The following PHEX variants were observed in gnomAD, a reference collection of about 807,000 sequenced individuals.
The protein encoded by PHEX is phosphate regulating endopeptidase X-linked.
PHEX carries 16 observed loss-of-function variants against 68.0 expected under a neutral mutation model. That is an observed-to-expected ratio of 0.24 (90% CI 0.16 to 0.36). PHEX has a LOEUF of 0.36. Among genes scored for constraint, PHEX ranks in the 10% least tolerant of loss-of-function variants. The pLI is 1.00. For missense variants in PHEX, 480 were observed against 575.5 expected (o/e 0.83, Z 1.70); for synonymous variants, 208 against 205.1 (o/e 1.01, Z -0.12).
intron 12 of PHEX, among the ~76,000 whole-genome samples, chrX:22,152,471 CCTT>C (rs1297145687): frequency 9.0e-6 from 1 of 111,708 alleles, no homozygotes; most frequent in Non-Finnish European, 1.9e-5. Context: ...TGACCCTCTA[CCTT>C]CTTCTGTTGT....
intron 20 of PHEX, among the ~76,000 whole-genome samples, chrX:22,233,303 C>T (rs747678322): frequency 3.6e-5 from 4 of 110,947 alleles, no homozygotes; most frequent in Non-Finnish European, 5.7e-5. Context: ...TTGCTCTTCT[C>T]GAGGAGTATC....
chrX:22,125,532 A>G (rs1602316452), intron 11 of PHEX, among the ~76,000 whole-genome samples: 1 of 109,423 alleles, frequency 9.1e-6, no homozygotes, highest in African/African-American at 3.3e-5. Flanking sequence ...TTCCTACTAG[A>G]TATGTACTAT....
At chrX:22,210,709 C>T (rs1391611815) in intron 15 of PHEX, among the ~76,000 whole-genome samples, 1 of 111,002 alleles carries the variant, frequency 9.0e-6, no homozygotes, top group East Asian at 2.8e-4. Context: ...TATGATGTTG[C>T]CACTTCAAAA....
In PHEX at chrX:22,032,860, G is replaced by A. The variant is rs192414303; in HGVS notation, c.-146G>A. 22 of 534,313 alleles carry A rather than the reference G, an allele frequency of 4.1e-5. No individual in the cohort carries two copies. The highest frequency in any genetic ancestry group is 3.7e-4 in the South Asian group (15 of 40,049). The allele number at this position is 534,313 out of a possible 1,213,427, so 44.0% of individuals were successfully genotyped here. A position where few individuals can be genotyped will look rare whatever the true frequency, so the allele number is the denominator to read the frequency against. On this transcript the variant is annotated 5_prime_UTR_variant, in exon 1 of 22. Transcript: ENST00000379374. Reference sequence around the variant, plus strand: ...GAAGAATTATTTGAGAAAGGGTGGCGAGGGGAGATTTCCTGACGGCAGTTT... The same window carrying A: ...GAAGAATTATTTGAGAAAGGGTGGCAAGGGGAGATTTCCTGACGGCAGTTT...
At chrX:22,109,068 G>T (rs903682129) in intron 9 of PHEX, among the ~76,000 whole-genome samples, 1 of 111,771 alleles carries the variant, frequency 8.9e-6, no homozygotes, top group African/African-American at 3.3e-5. Context: ...GCAGGAAACA[G>T]GAATTGAAAT....
chrX:22,132,043 T>C (rs1054994733), intron 11 of PHEX, among the ~76,000 whole-genome samples: 3 of 112,208 alleles, frequency 2.7e-5, no homozygotes, highest in African/African-American at 9.7e-5. Flanking sequence ...TGCTTTGCGA[T>C]AGGTCTTTCA....
At position 22,180,956 on chromosome X, in the gene PHEX, G is replaced by A. The variant is rs1330502940; in HGVS notation, c.1586+2580G>A. Among the ~76,000 whole-genome samples, 3 of 111,810 alleles carry A rather than the reference G, an allele frequency of 2.7e-5. No homozygotes were observed. The Admixed American group carries it at 2.8e-4, about 11-fold the overall frequency. ...TTTCATTCTTTTTTATGGCTTAATT[G>A]TACTCCATTGTATATATATACCACA... On this transcript the variant is annotated intron_variant, in intron 14 of 21. Coordinates refer to ENST00000379374, the MANE Select transcript of PHEX (RefSeq NM_000444.6).
chrX:22,158,901 G>A (rs755490863), intron 12 of PHEX, among the ~76,000 whole-genome samples: 5 of 112,094 alleles, frequency 4.5e-5, no homozygotes, highest in South Asian at 3.7e-4. Context: ...GAGTTCATTT[G>A]TGATAGCTGT....
In PHEX at chrX:22,076,381, T is replaced by G; in HGVS notation, c.350-7T>G. On this transcript the variant is annotated splice_region_variant and splice_polypyrimidine_tract_variant and intron_variant, in intron 3 of 21. Coordinates refer to ENST00000379374, the MANE Select transcript of PHEX (RefSeq NM_000444.6). ...GATACTAATGAATCCTTTCTTAACC[T>G]TCCCAGAACTTTTGGAGAAATCAAT... The G allele has an allele frequency of 1.7e-6, 2 of 1,198,311 alleles. No homozygotes were observed. The highest frequency in any genetic ancestry group is 2.3e-6 in the Non-Finnish European group (2 of 883,353).
chrX:22,137,673 G>T (rs1429577107), intron 12 of PHEX, among the ~76,000 whole-genome samples: 1 of 111,262 alleles, frequency 9.0e-6, no homozygotes, highest in Non-Finnish European at 1.9e-5. Flanking sequence ...ACTCATTAGA[G>T]ATGCAAATTT....
chrX:22,227,096 CTTTATTT>C (rs1317886879), intron 19 of PHEX, among the ~76,000 whole-genome samples: 1 of 112,328 alleles, frequency 8.9e-6, no homozygotes, highest in African/African-American at 3.2e-5. Context: ...TTGAAATATA[CTTTATTT>C]TATAAAATGA....
At chrX:22,166,702 A>G (rs896454937) in intron 12 of PHEX, among the ~76,000 whole-genome samples, 15 of 111,347 alleles carry the variant, frequency 1.3e-4, no homozygotes, top group African/African-American at 4.9e-4. Context: ...AACTATAGTC[A>G]CTATGTTGTA....
chrX:22,042,022 T>C (rs1426262592), intron 2 of PHEX, among the ~76,000 whole-genome samples: 1 of 111,597 alleles, frequency 9.0e-6, no homozygotes, highest in Non-Finnish European at 1.9e-5. Flanking sequence ...TTCTCTTTAG[T>C]GTAACGTGAG....
At chrX:22,242,271 C>T (rs976072089) in intron 20 of PHEX, among the ~76,000 whole-genome samples, 6 of 111,822 alleles carry the variant, frequency 5.4e-5, no homozygotes, top group African/African-American at 1.3e-4. Flanking sequence ...ATCGATGGAA[C>T]GTATCTCAAA....
chrX:22,053,718 G>A (rs1181272359), intron 3 of PHEX, among the ~76,000 whole-genome samples: 2 of 111,693 alleles, frequency 1.8e-5, no homozygotes, highest in Non-Finnish European at 3.8e-5. Flanking sequence ...CTCAAGGTAC[G>A]GCCAGATCAT....
At chrX:22,201,383 C>T (rs1934549330) in intron 15 of PHEX, among the ~76,000 whole-genome samples, 1 of 111,215 alleles carries the variant, frequency 9.0e-6, no homozygotes, top group Admixed American at 9.6e-5. Context: ...CAGGAGTTTG[C>T]CATGTTGGCC....
At chrX:22,202,766 A>G (rs1934597213) in intron 15 of PHEX, among the ~76,000 whole-genome samples, 1 of 111,701 alleles carries the variant, frequency 9.0e-6, no homozygotes, top group Admixed American at 9.5e-5. Flanking sequence ...AATAAATGAG[A>G]GGACCTGTTG....
intron 2 of PHEX, among the ~76,000 whole-genome samples, chrX:22,044,739 T>TAAAA (rs1556013709): frequency 2.3e-5 from 2 of 87,259 alleles, no homozygotes; most frequent in Non-Finnish European, 4.9e-5. Flanking sequence ...AATAAATAAA[T>TAAAA]AATAAAAAAT....
chrX:22,069,626 A>G (rs1417860706), intron 3 of PHEX, among the ~76,000 whole-genome samples: 1 of 112,227 alleles, frequency 8.9e-6, no homozygotes, highest in African/African-American at 3.2e-5. Flanking sequence ...CTAACCAACA[A>G]TTATCATTTA....
Sources: gnomAD v4.1 joint callset for allele counts (sites outside exome capture counted in the v4.1 genomes callset) on GRCh38, gnomAD v4.1.1 for gene constraint, MANE v1.5 for transcripts, NCBI Gene and HGNC (gene_info 2026-07-23, HGNC 2026-07-21) for gene names.